Variants in RGS9 observed in about 807,000 individuals in gnomAD.
The protein encoded by RGS9 is regulator of G-protein signalling 9.
A neutral mutation model predicts 102.0 loss-of-function variants in RGS9; 78 were observed. That is an observed-to-expected ratio of 0.76 (90% CI 0.64 to 0.92). RGS9 has a LOEUF of 0.92. Ranked by LOEUF, RGS9 falls within the 40% of genes least tolerant of loss-of-function variation. RGS9 has a pLI of 0.00. For synonymous variants in RGS9, 353 were observed against 318.6 expected (o/e 1.11, Z -1.15); for missense variants, 833 against 866.1 (o/e 0.96, Z 0.48).
In RGS9 at chr17:65,173,467, T is replaced by C. The variant is rs773699396; in HGVS notation, c.583-4265T>C. Among the ~76,000 whole-genome samples the C allele has an allele frequency of 6.6e-6, 1 of 151,876 alleles. No individual in the cohort carries two copies. On this transcript the variant is annotated intron_variant, in intron 8 of 18. Coordinates refer to ENST00000262406, the MANE Select transcript of RGS9 (RefSeq NM_003835.4). The surrounding 1 kb of genome is among the most constrained non-coding windows in gnomAD (Gnocchi z 4.8). ...CCTCCTCACGAGCAGTTGTCACGAG[T>C]ACAGGAGCTCCTTTCCTGACCTGAA...
At chr17:65,150,787 A>G (rs1457340717) in intron 1 of RGS9, among the ~76,000 whole-genome samples, 3 of 152,332 alleles carry the variant, frequency 2.0e-5, no homozygotes, top group East Asian at 1.9e-4. Context: ...CTCAGGGACC[A>G]CAGCTTCTCT....
chr17:65,224,615 G>T (rs1005856744), intron 17 of RGS9, among the ~76,000 whole-genome samples: 1 of 152,224 alleles, frequency 6.6e-6, no homozygotes, highest in African/African-American at 2.4e-5. Flanking sequence ...CCCAAGGATG[G>T]AGAAGGCAGG....
chr17:65,179,003 C>T (rs2144039013), intron 9 of RGS9, among the ~76,000 whole-genome samples: 1 of 152,368 alleles, frequency 6.6e-6, no homozygotes, highest in Non-Finnish European at 1.5e-5. Flanking sequence ...CTGACAACCA[C>T]TGATTCCAAT....
intron 1 of RGS9, among the ~76,000 whole-genome samples, chr17:65,150,292 CT>C (rs1910528886): frequency 6.6e-6 from 1 of 152,122 alleles, no homozygotes; most frequent in African/African-American, 2.4e-5. Context: ...CTCCTTTTCT[CT>C]TTCTGCTTCC....
intron 17 of RGS9, among the ~76,000 whole-genome samples, chr17:65,215,546 T>TTCTTTC (rs1478824196): frequency 4.6e-4 from 63 of 135,584 alleles, no homozygotes; most frequent in African/African-American, 2.0e-3. Context: ...CTTTCTTTCT[T>TTCTTTC]TTTTTTTGTT....
intron 1 of RGS9, among the ~76,000 whole-genome samples, chr17:65,150,448 C>T (rs886544127): frequency 6.6e-6 from 1 of 152,044 alleles, no homozygotes. Context: ...ATGGTAAAAC[C>T]CTGTTTCTAC....
intron 12 of RGS9, among the ~76,000 whole-genome samples, chr17:65,196,738 C>CA (rs1294936077): frequency 6.6e-6 from 1 of 152,144 alleles, no homozygotes; most frequent in Admixed American, 6.6e-5. Flanking sequence ...TAGCACCCAT[C>CA]ACCAATGCTG....
At chr17:65,222,650 C>A (rs1905400660) in intron 17 of RGS9, among the ~76,000 whole-genome samples, 1 of 152,182 alleles carries the variant, frequency 6.6e-6, no homozygotes, top group African/African-American at 2.4e-5. Flanking sequence ...GTCTCCCAAG[C>A]CCCTAATCAA....
chr17:65,160,895 G>C lies in RGS9; in HGVS notation c.409G>C (p.Glu137Gln), dbSNP rs1910959715. ...KRNIKKKGIL[E>Q]EYEKENYNFL... ...AAATATCAAAAAGAAAGGGATTTTG[G>C]AAGAATATGAAAAGGTATGGAGGTG... is the stretch of plus-strand genomic sequence containing the variant. Residue 137 changes from glutamate (E) to glutamine (Q), a missense_variant, in exon 6 of 19, where the codon GAA becomes CAA. Physicochemically the swap from Glu to Gln is conservative, Grantham distance 29 (BLOSUM62 2). This residue lies in a region of RGS9 where 328 missense variants were observed against 340.6 expected (regional missense o/e 0.96). Transcript: ENST00000262406. 6.2e-7 allele frequency: 1 copy of C among 1,613,510 alleles called. No individual in the cohort carries two copies. Among genetic ancestry groups the C allele is most frequent in the African/African-American group, 1.3e-5 (1 of 74,922 alleles).
chr17:65,215,550 T>TCTTTCTTTCTTTTTC (rs1913491804), intron 17 of RGS9, among the ~76,000 whole-genome samples: 1 of 118,348 alleles, frequency 8.4e-6, no homozygotes, highest in Admixed American at 7.7e-5. Flanking sequence ...CTTTCTTTTT[T>TCTTTCTTTCTTTTTC]TTTGTTTTGA....
rs369068193 is a variant in RGS9 at position 65,227,381 on chromosome 17, G to T, written c.1999G>T (p.Val667Phe). ...GGGTGACCGGGCCACAGAAAAGGAG[G>T]TCATCTGCCCCTGGGAGAGCCTGTA... is the stretch of plus-strand genomic sequence containing the variant. ...ESGDRATEKEVICPWESL is the reference protein window; with the variant it reads ...ESGDRATEKEFICPWESL Residue 667 changes from valine to phenylalanine, a missense_variant, in exon 19 of 19, where the codon GTC becomes TTC. Transcript: ENST00000262406. 1.2e-6 allele frequency: 2 copies of T among 1,614,016 alleles called. No individual in the cohort carries two copies. Among genetic ancestry groups the T allele is most frequent in the Non-Finnish European group, 1.7e-6 (2 of 1,180,030 alleles).
chr17:65,179,990 T>A (rs1252214629), intron 9 of RGS9: 1 of 152,170 alleles, frequency 6.6e-6, no homozygotes. Context: ...CTCTCTCTCT[T>A]CCCAGCTATC....
intron 13 of RGS9, among the ~76,000 whole-genome samples, chr17:65,198,942 C>T (rs1225769118): frequency 6.6e-6 from 1 of 152,152 alleles, no homozygotes; most frequent in African/African-American, 2.4e-5. Context: ...GGTTATAGTG[C>T]CATCTAGTGG....
chr17:65,177,933 C>G (rs76544617), intron 9 of RGS9, 130 bp downstream of exon 9: 22 of 783,076 alleles, frequency 2.8e-5, no homozygotes, highest in Admixed American at 1.4e-4. Flanking sequence ...AGAGGAGGAC[C>G]GTGGGCTCTG....
At chr17:65,157,643 G>A (rs1396241370) in intron 2 of RGS9, among the ~76,000 whole-genome samples, 2 of 152,040 alleles carry the variant, frequency 1.3e-5, no homozygotes, top group East Asian at 3.9e-4. Flanking sequence ...AGTACACATG[G>A]AGCCTTCATT....
intron 17 of RGS9, among the ~76,000 whole-genome samples, chr17:65,212,484 G>A (rs548607785): frequency 5.3e-5 from 8 of 152,214 alleles, no homozygotes; most frequent in Non-Finnish European, 1.0e-4. Context: ...CAGGGAGAAC[G>A]TTCTGGGGAG....
rs186225935 is a variant in RGS9 at position 65,171,566 on chromosome 17, C to T, written c.582+3285C>T. Among the ~76,000 whole-genome samples the T allele has an allele frequency of 1.5e-4, 23 of 152,270 alleles. No homozygotes were observed. In the East Asian group the frequency reaches 3.9e-3, roughly 26 times the overall value. The stretch of plus-strand genomic sequence containing the variant: ...AGTGACACTCTCCCAGAGATAAGAC[C>T]TAATTGCAGAAGGGGCACAGCGAGA... On this transcript the variant is annotated intron_variant, in intron 8 of 18. Coordinates refer to ENST00000262406, the MANE Select transcript of RGS9 (RefSeq NM_003835.4).
chr17:65,206,417 C>T (rs760502788), intron 15 of RGS9, among the ~76,000 whole-genome samples: 11 of 152,146 alleles, frequency 7.2e-5, no homozygotes, highest in Non-Finnish European at 1.2e-4. Context: ...CAGTGGCTCA[C>T]GCCTGTAATC....
chr17:65,204,250 C>T lies in RGS9; in HGVS notation c.1152C>T (p.His384=), dbSNP rs1038454211. ...CAGTGAAGGGGCTGAAGCACCCCCA[C>T]CGCTATGTGCTGGACGCCGCACAAA... ...DITVKGLKHP[H]RYVLDAAQTH... is the part of the protein sequence containing the mutation. Residue 384 remains histidine (H), a synonymous_variant, in exon 15 of 19, where the codon CAC becomes CAT. Transcript: ENST00000262406. 3.0e-5 allele frequency: 49 copies of T among 1,613,638 alleles called. No homozygotes were observed. Among genetic ancestry groups the T allele is most frequent in the Non-Finnish European group, 4.0e-5 (47 of 1,180,050 alleles).
Sources: gnomAD v4.1 joint callset for allele counts (sites outside exome capture counted in the v4.1 genomes callset) on GRCh38, gnomAD v4.1.1 for gene constraint, gnomAD v4.1.1 regional missense constraint, Gnocchi (gnomAD v3.1) non-coding constraint, MANE v1.5 for transcripts, NCBI Gene and HGNC (gene_info 2026-07-23, HGNC 2026-07-21) for gene names.